ZBTB20: variants seen among roughly 807,000 people sequenced by gnomAD.
ZBTB20 encodes zinc finger and BTB domain containing 20, also known as zinc finger and BTB domain-containing protein 20.
Under a neutral mutation model 56.9 loss-of-function variants are expected in ZBTB20, and 9 were observed. The ratio of observed to expected loss-of-function variants is 0.16; its 90% CI spans 0.10 to 0.28. ZBTB20 has a LOEUF of 0.28. Ranked by LOEUF, ZBTB20 falls within the 10% of genes least tolerant of loss-of-function variation. ZBTB20 has a pLI of 1.00. For synonymous variants in ZBTB20, 417 were observed against 420.7 expected, an observed-to-expected ratio of 0.99 and a Z score of 0.11; for missense variants, 655 against 1,003.0, an observed-to-expected ratio of 0.65 and a Z score of 4.69.
At chr3:114,790,794 T>A (rs1171647056) in intron 5 of ZBTB20, among the ~76,000 whole-genome samples, 1 of 151,808 alleles carries the variant, frequency 6.6e-6, no homozygotes, top group African/African-American at 2.4e-5. Context: ...TTTTTTAATT[T>A]GAGAGAAACT....
chr3:114,497,639 T>C lies in ZBTB20; in HGVS notation c.-255+2713A>G, dbSNP rs552963107. 9.2e-5 allele frequency among the ~76,000 whole-genome samples: 14 copies of C among 152,322 alleles called. No individual in the cohort carries two copies. In the South Asian group the frequency reaches 2.1e-3, roughly 23 times the overall value. ...GGCACTCCTCCTTCATTCCTCTTACTACGTCTTGTATATACCTGCATTTCA... is the reference window on the plus strand; with the variant it reads ...GGCACTCCTCCTTCATTCCTCTTACCACGTCTTGTATATACCTGCATTTCA... On this transcript the variant is annotated intron_variant, in intron 7 of 11. Coordinates refer to ENST00000675478, the MANE Select transcript of ZBTB20 (RefSeq NM_001348800.3).
chr3:115,052,920 TTTAA>T, intron 2 of ZBTB20, among the ~76,000 whole-genome samples: 1 of 152,316 alleles, frequency 6.6e-6, no homozygotes, highest in East Asian at 1.9e-4. Context: ...TAATTGAATT[TTTAA>T]TTAATTTCAA....
At chr3:114,564,471 C>T (rs1200754311) in intron 6 of ZBTB20, among the ~76,000 whole-genome samples, 15 of 152,068 alleles carry the variant, frequency 9.9e-5, no homozygotes, top group Admixed American at 9.2e-4. Context: ...TGGTAAGCTG[C>T]ACAGACATTT....
intron 4 of ZBTB20, among the ~76,000 whole-genome samples, chr3:114,889,321 T>C (rs1053998463): frequency 6.6e-6 from 1 of 151,990 alleles, no homozygotes; most frequent in Non-Finnish European, 1.5e-5. Context: ...AAATTCTTTT[T>C]CTTTTGGTTT....
At chr3:114,890,297 T>C (rs2076758321) in intron 4 of ZBTB20, among the ~76,000 whole-genome samples, 1 of 152,242 alleles carries the variant, frequency 6.6e-6, no homozygotes, top group Non-Finnish European at 1.5e-5. Flanking sequence ...GAACAAAATC[T>C]TCTTTGAGTT....
chr3:114,488,868 C>A (rs1398538460), intron 7 of ZBTB20, among the ~76,000 whole-genome samples: 9 of 152,080 alleles, frequency 5.9e-5, no homozygotes. Context: ...TACTGAAGTG[C>A]AACGTTGTTG....
rs368149655 is a variant in ZBTB20 at position 114,942,729 on chromosome 3, C to T, written c.-456+31637G>A. Among the ~76,000 whole-genome samples the T allele has an allele frequency of 1.7e-4, 25 of 146,078 alleles. 3 individuals carry two copies. Among genetic ancestry groups the T allele is most frequent in the African/African-American group, 6.4e-4 (23 of 36,042 alleles). On this transcript the variant is annotated intron_variant, in intron 3 of 11. Transcript: ENST00000675478. ...CAATAGTCTATAAAGGAAGTAAACACGTTAAAGTAAGCCCTATGTTGTTTA... is the reference window on the plus strand; with the variant it reads ...CAATAGTCTATAAAGGAAGTAAACATGTTAAAGTAAGCCCTATGTTGTTTA...
intron 2 of ZBTB20, among the ~76,000 whole-genome samples, chr3:114,988,709 T>C (rs2078665001): frequency 1.3e-5 from 2 of 152,282 alleles, no homozygotes; most frequent in East Asian, 3.9e-4. Context: ...TAGTTTACAG[T>C]CCCACCAACA....
chr3:114,824,054 CTGGGGTA>C (rs1241752930), intron 4 of ZBTB20, among the ~76,000 whole-genome samples: 1 of 151,864 alleles, frequency 6.6e-6, no homozygotes, highest in Non-Finnish European at 1.5e-5. Flanking sequence ...TGAAATTCCA[CTGGGGTA>C]AATAGGGTAG....
chr3:114,855,915 G>A (rs1000574347), intron 4 of ZBTB20, among the ~76,000 whole-genome samples: 6 of 152,204 alleles, frequency 3.9e-5, no homozygotes, highest in Non-Finnish European at 7.3e-5. Flanking sequence ...GCTTCAAAGC[G>A]AAAGTTATGT....
At chr3:114,857,080 T>C (rs2075286592) in intron 4 of ZBTB20, among the ~76,000 whole-genome samples, 1 of 152,158 alleles carries the variant, frequency 6.6e-6, no homozygotes, top group African/African-American at 2.4e-5. Flanking sequence ...CCTGATTCTT[T>C]TCTCATACAG....
chr3:114,797,430 T>G (rs571345483), intron 5 of ZBTB20, among the ~76,000 whole-genome samples: 26 of 151,960 alleles, frequency 1.7e-4, no homozygotes, highest in Non-Finnish European at 3.5e-4. Flanking sequence ...CATTTATTAC[T>G]CCCTCTTCAT....
intron 3 of ZBTB20, among the ~76,000 whole-genome samples, chr3:114,972,745 T>C (rs2077937732): frequency 6.6e-6 from 1 of 152,194 alleles, no homozygotes; most frequent in Non-Finnish European, 1.5e-5. Flanking sequence ...TAATTTTAAA[T>C]ATAAACCTGA....
chr3:115,110,546 C>T (rs1009942579), intron 1 of ZBTB20, among the ~76,000 whole-genome samples: 16 of 151,732 alleles, frequency 1.1e-4, no homozygotes, highest in African/African-American at 3.2e-4. Context: ...AATGTATGTC[C>T]GATATGTTTG....
At chr3:115,107,920 T>C (rs925955540) in intron 1 of ZBTB20, among the ~76,000 whole-genome samples, 2 of 152,118 alleles carry the variant, frequency 1.3e-5, no homozygotes, top group African/African-American at 2.4e-5. Context: ...CTCACTCATA[T>C]GTGGGAGCTG....
intron 7 of ZBTB20, among the ~76,000 whole-genome samples, chr3:114,456,420 C>A (rs1011072428): frequency 1.2e-4 from 18 of 152,174 alleles, no homozygotes; most frequent in Non-Finnish European, 4.4e-5. Flanking sequence ...CTATGAACAT[C>A]ATCTGCTATA....
At chr3:115,028,097 G>T (rs2080501124) in intron 2 of ZBTB20, among the ~76,000 whole-genome samples, 1 of 150,698 alleles carries the variant, frequency 6.6e-6, no homozygotes, top group Admixed American at 6.6e-5. Context: ...TAGTCATCAT[G>T]TTGTACAACA....
chr3:114,507,813 A>G (rs1437904354), intron 6 of ZBTB20, among the ~76,000 whole-genome samples: 1 of 152,176 alleles, frequency 6.6e-6, no homozygotes, highest in East Asian at 1.9e-4. Context: ...CAGTTGAGTA[A>G]AATACATTCT....
intron 4 of ZBTB20, among the ~76,000 whole-genome samples, chr3:114,828,430 G>A (rs769981144): frequency 2.0e-5 from 3 of 151,490 alleles, no homozygotes; most frequent in Non-Finnish European, 4.4e-5. Context: ...AATGATAATC[G>A]CTTTTTATAT....
Sources: gnomAD v4.1 joint callset for allele counts (sites outside exome capture counted in the v4.1 genomes callset) on GRCh38, gnomAD v4.1.1 for gene constraint, MANE v1.5 for transcripts, NCBI Gene and HGNC (gene_info 2026-07-23, HGNC 2026-07-21) for gene names.